Variants in NOL4 observed in about 807,000 individuals in gnomAD.
The protein encoded by NOL4 is nucleolar protein 4.
A neutral mutation model predicts 75.9 loss-of-function variants in NOL4; 17 were observed. That is an observed-to-expected ratio of 0.22 (90% CI 0.15 to 0.34). The LOEUF (loss-of-function observed/expected upper bound fraction) is 0.34. Ranked by LOEUF, NOL4 falls within the 10% of genes least tolerant of loss-of-function variation. NOL4 has a pLI of 1.00. For synonymous variants in NOL4, 292 were observed against 289.9 expected (o/e 1.01, Z -0.07); for missense variants, 614 against 793.5 (o/e 0.77, Z 2.72).
At chr18:34,203,747 ACAC>A (rs2035925818) in intron 1 of NOL4, among the ~76,000 whole-genome samples, 1 of 148,370 alleles carries the variant, frequency 6.7e-6, no homozygotes, top group African/African-American at 2.5e-5. Flanking sequence ...ACACACACAC[ACAC>A]ACGGCCCTTT....
intron 1 of NOL4, among the ~76,000 whole-genome samples, chr18:34,220,636 T>C (rs1280204520): frequency 1.3e-5 from 2 of 152,164 alleles, no homozygotes; most frequent in Non-Finnish European, 2.9e-5. Context: ...GAAATGATGA[T>C]TGGCTGTCTC....
At chr18:33,970,661 C>T (rs1277312496) in intron 6 of NOL4, among the ~76,000 whole-genome samples, 3 of 151,904 alleles carry the variant, frequency 2.0e-5, no homozygotes, top group African/African-American at 7.3e-5. Context: ...ATAACTTATA[C>T]AGAATGTTAG....
intron 2 of NOL4, among the ~76,000 whole-genome samples, chr18:34,109,345 TA>T: frequency 6.6e-6 from 1 of 152,030 alleles, no homozygotes; most frequent in East Asian, 1.9e-4. Context: ...ATTCTGTCTC[TA>T]AAAAAGATTA....
Position 34,135,196 on chromosome 18 carries a change from T to C in NOL4, c.265-5176A>G, listed in dbSNP as rs1031495225. ...AAAATGTAAAAAGAGGAGGGAAGAC[T>C]CAAATTACTAAAATTAGGAATAAAA... On this transcript the variant is annotated intron_variant, in intron 1 of 10. Transcript: ENST00000261592. Among the ~76,000 whole-genome samples the C allele has an allele frequency of 7.9e-5, 12 of 152,026 alleles. No individual in the cohort carries two copies. The South Asian group carries it at 2.5e-3, about 32-fold the overall frequency.
At chr18:34,218,924 T>A (rs1440419402) in intron 1 of NOL4, among the ~76,000 whole-genome samples, 1 of 152,214 alleles carries the variant, frequency 6.6e-6, no homozygotes, top group African/African-American at 2.4e-5. Flanking sequence ...TCATGGGGTA[T>A]TATTTCTTTC....
Position 33,852,637 on chromosome 18 carries a change from C to G in NOL4, c.*205G>C. 3.9e-6 allele frequency: 2 copies of G among 507,418 alleles called. No individual in the cohort carries two copies. The highest frequency in any genetic ancestry group is 5.2e-4 in the Middle Eastern group (1 of 1,922). The allele number at this position is 507,418 out of a possible 1,614,324, so 31.4% of individuals were successfully genotyped here. On this transcript the variant is annotated 3_prime_UTR_variant, in exon 11 of 11. Coordinates refer to ENST00000261592, the MANE Select transcript of NOL4 (RefSeq NM_003787.5). ...AACAAAAAGCAATAGGCTGGACATA[C>G]TAAAGTAGCTCAAGTACTTCAGAGG... is the stretch of plus-strand genomic sequence containing the variant.
chr18:33,889,713 G>T (rs1304532156), intron 9 of NOL4, among the ~76,000 whole-genome samples: 1 of 152,014 alleles, frequency 6.6e-6, no homozygotes, highest in Admixed American at 6.6e-5. Context: ...TTCATCCCTG[G>T]GATGCAAGGC....
chr18:34,140,922 A>T (rs980292532), intron 1 of NOL4, among the ~76,000 whole-genome samples: 1 of 152,008 alleles, frequency 6.6e-6, no homozygotes, highest in Non-Finnish European at 1.5e-5. Context: ...ATGACTGTAT[A>T]TCTAGAAAAC....
At chr18:34,083,039 A>C (rs772272021) in intron 5 of NOL4, among the ~76,000 whole-genome samples, 2 of 152,190 alleles carry the variant, frequency 1.3e-5, no homozygotes, top group South Asian at 4.1e-4. Context: ...ATTTTATGAA[A>C]AGTGATTGAG....
chr18:34,068,878 CAA>C (rs1198794786), intron 5 of NOL4, among the ~76,000 whole-genome samples: 1 of 151,818 alleles, frequency 6.6e-6, no homozygotes, highest in East Asian at 1.9e-4. Context: ...AAGATGAACT[CAA>C]TATTATTAAA....
intron 8 of NOL4, among the ~76,000 whole-genome samples, chr18:33,951,685 T>C (rs2069237842): frequency 6.6e-6 from 1 of 152,196 alleles, no homozygotes; most frequent in Admixed American, 6.5e-5. Context: ...CATACTTCTG[T>C]GTTCCAGTTT....
At chr18:33,979,076 T>C (rs2071733887) in intron 6 of NOL4, among the ~76,000 whole-genome samples, 1 of 152,100 alleles carries the variant, frequency 6.6e-6, no homozygotes, top group Non-Finnish European at 1.5e-5. Flanking sequence ...TGACATTTAC[T>C]CTTGAAGGTA....
At chr18:34,006,513 T>C (rs1293771981) in intron 6 of NOL4, among the ~76,000 whole-genome samples, 1 of 152,068 alleles carries the variant, frequency 6.6e-6, no homozygotes, top group Non-Finnish European at 1.5e-5. Context: ...GCCAGCTATC[T>C]GGTGACAGAC....
chr18:34,059,915 C>T (rs73416372), intron 5 of NOL4, among the ~76,000 whole-genome samples: 1,547 of 152,120 alleles, frequency 0.01, 22 homozygotes, highest in Middle Eastern at 0.037. Flanking sequence ...AATTCATTAC[C>T]GAGATGAGCC....
At chr18:33,891,516 G>C (rs2065093558) in intron 9 of NOL4, among the ~76,000 whole-genome samples, 1 of 152,158 alleles carries the variant, frequency 6.6e-6, no homozygotes, top group Admixed American at 6.6e-5. Flanking sequence ...TTGGGAAAAG[G>C]TAGCCTCAAA....
At chr18:34,183,195 A>C (rs1457521324) in intron 1 of NOL4, among the ~76,000 whole-genome samples, 2 of 151,912 alleles carry the variant, frequency 1.3e-5, no homozygotes, top group African/African-American at 4.8e-5. Flanking sequence ...AATAATTCTC[A>C]AAATTCAATA....
At chr18:34,078,288 T>A (rs1238630686) in intron 5 of NOL4, among the ~76,000 whole-genome samples, 1 of 152,212 alleles carries the variant, frequency 6.6e-6, no homozygotes, top group Non-Finnish European at 1.5e-5. Flanking sequence ...TAGGGAGACA[T>A]AAATTGTGTC....
chr18:34,186,352 A>G (rs558012256), intron 1 of NOL4, among the ~76,000 whole-genome samples: 1 of 152,324 alleles, frequency 6.6e-6, no homozygotes, highest in South Asian at 2.1e-4. Flanking sequence ...TTAAAGTTCT[A>G]GGACCCTGTG....
intron 1 of NOL4, among the ~76,000 whole-genome samples, chr18:34,220,393 C>G (rs1025906225): frequency 3.3e-5 from 5 of 152,210 alleles, no homozygotes; most frequent in Non-Finnish European, 7.3e-5. Flanking sequence ...GCCGTGAACC[C>G]TCAAACCTCA....
Sources: gnomAD v4.1 joint callset for allele counts (sites outside exome capture counted in the v4.1 genomes callset) on GRCh38, gnomAD v4.1.1 for gene constraint, MANE v1.5 for transcripts, NCBI Gene and HGNC (gene_info 2026-07-23, HGNC 2026-07-21) for gene names.